ANGPT1: variants seen among roughly 807,000 people sequenced by gnomAD.
ANGPT1 encodes the protein angiopoietin 1.
In ANGPT1, 17 loss-of-function variants were observed where a neutral mutation model predicts 62.2. The observed-to-expected ratio is 0.27, with a 90% CI of 0.19 to 0.41. ANGPT1 has a LOEUF of 0.41. ANGPT1 is among the 10% of genes least tolerant of loss of function. The pLI is 1.00. For missense variants in ANGPT1, 478 were observed against 594.9 expected (o/e 0.80, Z 2.04); for synonymous variants, 199 against 198.9 (o/e 1.00, Z 0.00).
chr8:107,439,080 C>T (rs777734677), intron 1 of ANGPT1, among the ~76,000 whole-genome samples: 1 of 152,120 alleles, frequency 6.6e-6, no homozygotes, highest in Non-Finnish European at 1.5e-5. Context: ...GTGAACATCA[C>T]TTGCTTATGA....
At chr8:107,415,306 C>T (rs1361763429) in intron 1 of ANGPT1, among the ~76,000 whole-genome samples, 2 of 152,088 alleles carry the variant, frequency 1.3e-5, no homozygotes, top group African/African-American at 4.8e-5. Flanking sequence ...AATGAAAGAA[C>T]CCAATAACTT....
intron 1 of ANGPT1, among the ~76,000 whole-genome samples, chr8:107,419,271 A>G (rs1410189524): frequency 6.6e-6 from 1 of 152,134 alleles, no homozygotes; most frequent in East Asian, 1.9e-4. Flanking sequence ...TCTCCCCTGA[A>G]GCAGGCTTTA....
intron 3 of ANGPT1, among the ~76,000 whole-genome samples, chr8:107,333,040 G>A (rs542405919): frequency 6.6e-6 from 1 of 152,238 alleles, no homozygotes; most frequent in South Asian, 2.1e-4. Context: ...AATATAAATT[G>A]CCTGGCAGAG....
intron 1 of ANGPT1, among the ~76,000 whole-genome samples, chr8:107,489,619 A>G (rs1418823370): frequency 6.6e-6 from 1 of 152,210 alleles, no homozygotes; most frequent in African/African-American, 2.4e-5. Context: ...ATTATTTCGA[A>G]TTAGATAACA....
rs1815770970 is a variant in ANGPT1 at position 107,344,930 on chromosome 8, A to G, written c.453+2012T>C. 2.0e-5 allele frequency among the ~76,000 whole-genome samples: 3 copies of G among 152,334 alleles called. No homozygotes were observed. The South Asian group carries it at 6.2e-4, about 32-fold the overall frequency. ...ATCAGGATTTGAGTTCACTTGAGTG[A>G]TTATGTCTAAGCAGAACATGTCCTG... On this transcript the variant is annotated intron_variant, in intron 2 of 8. Transcript: ENST00000517746.
At chr8:107,438,981 A>G (rs576825777) in intron 1 of ANGPT1, among the ~76,000 whole-genome samples, 2 of 152,334 alleles carry the variant, frequency 1.3e-5, no homozygotes, top group East Asian at 1.9e-4. Context: ...AAAGTTGTTC[A>G]TGTTCACATA....
chr8:107,335,789 A>G (rs1417328786), intron 3 of ANGPT1, among the ~76,000 whole-genome samples: 1 of 152,212 alleles, frequency 6.6e-6, no homozygotes, highest in Non-Finnish European at 1.5e-5. Flanking sequence ...AAGAGGCTCT[A>G]TTCTCTGTTG....
At chr8:107,361,427 GGAATATATATA>G (rs1183019973) in intron 1 of ANGPT1, among the ~76,000 whole-genome samples, 4 of 147,646 alleles carry the variant, frequency 2.7e-5, no homozygotes, top group South Asian at 2.1e-4. Flanking sequence ...ATCTTAAATT[GGAATATATATA>G]GAATATATAT....
rs375170215 is a variant in ANGPT1 at position 107,376,369 on chromosome 8, C to T, written c.298-29272G>A. Among the ~76,000 whole-genome samples the T allele has an allele frequency of 2.0e-5, 3 of 152,112 alleles. No individual in the cohort carries two copies. In the East Asian group the frequency reaches 5.8e-4, roughly 29 times the overall value. ...GTATGGGGAACCCTGAGTTCTTTTC[C>T]AGGAGAGATTGCTGCAATTTAGAGG... is the stretch of plus-strand genomic sequence containing the variant. On this transcript the variant is annotated intron_variant, in intron 1 of 8. Transcript: ENST00000517746.
intron 1 of ANGPT1, among the ~76,000 whole-genome samples, chr8:107,431,370 G>GGAGGAC (rs977878993): frequency 6.6e-6 from 1 of 151,760 alleles, no homozygotes; most frequent in African/African-American, 2.4e-5. Context: ...GAGCAGAGGA[G>GGAGGAC]GAATTTTCTA....
chr8:107,392,818 T>C (rs1205943946), intron 1 of ANGPT1, among the ~76,000 whole-genome samples: 2 of 152,222 alleles, frequency 1.3e-5, no homozygotes, highest in South Asian at 4.1e-4. Context: ...AGAAGAGTTG[T>C]TTTTGCCAAA....
chr8:107,290,887 C>T (rs962699250), intron 6 of ANGPT1, among the ~76,000 whole-genome samples: 4 of 152,096 alleles, frequency 2.6e-5, no homozygotes, highest in East Asian at 1.9e-4. Flanking sequence ...ACTTACAAGA[C>T]ATGAATTGAT....
intron 1 of ANGPT1, among the ~76,000 whole-genome samples, chr8:107,369,661 T>C (rs1452100287): frequency 3.3e-5 from 5 of 152,152 alleles, no homozygotes; most frequent in African/African-American, 1.2e-4. Flanking sequence ...TGTAGGGTTA[T>C]TCATTGACCT....
intron 8 of ANGPT1, among the ~76,000 whole-genome samples, chr8:107,258,112 T>A (rs1318890165): frequency 1.3e-5 from 2 of 151,972 alleles, no homozygotes; most frequent in African/African-American, 4.8e-5. Flanking sequence ...ATTTTGCTTT[T>A]AACCATGTTT....
intron 1 of ANGPT1, among the ~76,000 whole-genome samples, chr8:107,400,440 G>T (rs1020576563): frequency 6.6e-6 from 1 of 152,146 alleles, no homozygotes; most frequent in Non-Finnish European, 1.5e-5. Context: ...ACAGCAGTAG[G>T]CATCAAGCGT....
intron 1 of ANGPT1, among the ~76,000 whole-genome samples, chr8:107,467,918 T>C (rs962248915): frequency 6.6e-6 from 1 of 152,132 alleles, no homozygotes; most frequent in Admixed American, 6.6e-5. Flanking sequence ...GCCTAGATGT[T>C]AGACAGCATT....
chr8:107,359,456 A>G (rs1181989548), intron 1 of ANGPT1, among the ~76,000 whole-genome samples: 1 of 152,206 alleles, frequency 6.6e-6, no homozygotes, highest in Non-Finnish European at 1.5e-5. Context: ...GTTGAGAAAG[A>G]AAGGAAACAT....
At chr8:107,366,548 G>A (rs1054627220) in intron 1 of ANGPT1, among the ~76,000 whole-genome samples, 1 of 151,932 alleles carries the variant, frequency 6.6e-6, no homozygotes, top group African/African-American at 2.4e-5. Context: ...TTAGAACATG[G>A]GCTCACTGTT....
intron 1 of ANGPT1, among the ~76,000 whole-genome samples, chr8:107,378,805 T>A (rs1042830253): frequency 7.9e-5 from 12 of 152,126 alleles, no homozygotes; most frequent in Admixed American, 5.9e-4. Context: ...ATTGTAAGTT[T>A]CCCGAGGCCT....
Sources: gnomAD v4.1 joint callset for allele counts (sites outside exome capture counted in the v4.1 genomes callset) on GRCh38, gnomAD v4.1.1 for gene constraint, MANE v1.5 for transcripts, NCBI Gene and HGNC (gene_info 2026-07-23, HGNC 2026-07-21) for gene names.